Variants in ARHGEF3 observed in about 807,000 individuals in gnomAD.
ARHGEF3 encodes Rho guanine nucleotide exchange factor 3.
A neutral mutation model predicts 63.2 loss-of-function variants in ARHGEF3; 28 were observed. That is an observed-to-expected ratio of 0.44 (90% confidence interval 0.33 to 0.61). ARHGEF3 has a LOEUF of 0.61. Ranked by LOEUF, ARHGEF3 falls within the 20% of genes least tolerant of loss-of-function variation. The pLI, the probability that ARHGEF3 is intolerant of heterozygous loss-of-function variation, is 0.03. For missense variants in ARHGEF3, 533 were observed against 659.3 expected (o/e 0.81, Z 2.10); for synonymous variants, 266 against 254.2 (o/e 1.05, Z -0.44).
intron 1 of ARHGEF3, among the ~76,000 whole-genome samples, chr3:56,793,042 T>G (rs1172788027): frequency 2.6e-5 from 4 of 152,078 alleles, no homozygotes; most frequent in Non-Finnish European, 5.9e-5. Context: ...TGCACTCTGT[T>G]GCCCAGGCGG....
At chr3:56,906,866 A>G (rs2041700631) in intron 3 of ARHGEF3, among the ~76,000 whole-genome samples, 1 of 151,722 alleles carries the variant, frequency 6.6e-6, no homozygotes, top group African/African-American at 2.4e-5. Flanking sequence ...AGAAAGAAAG[A>G]AATATACTGA....
At chr3:56,938,136 C>T (rs111769776) in intron 3 of ARHGEF3, among the ~76,000 whole-genome samples, 2,731 of 152,180 alleles carry the variant, frequency 0.018, 92 homozygotes, top group African/African-American at 0.063. Context: ...ATTTCCAGCA[C>T]CACGTGGGAG....
chr3:56,765,039 G>C (rs1318008497), intron 2 of ARHGEF3, among the ~76,000 whole-genome samples: 5 of 152,072 alleles, frequency 3.3e-5, no homozygotes, highest in Non-Finnish European at 7.4e-5. Context: ...TTACAGGCAT[G>C]AGCCACCGCA....
chr3:56,953,305 G>T (rs1360290913), intron 3 of ARHGEF3, among the ~76,000 whole-genome samples: 1 of 152,188 alleles, frequency 6.6e-6, no homozygotes, highest in Non-Finnish European at 1.5e-5. Context: ...AGAAACATTT[G>T]GCTACAATGA....
At chr3:57,004,876 C>T (rs1702409289) in intron 2 of ARHGEF3, among the ~76,000 whole-genome samples, 1 of 152,172 alleles carries the variant, frequency 6.6e-6, no homozygotes, top group Non-Finnish European at 1.5e-5. Flanking sequence ...AGGTGGATCA[C>T]TTGAGCCCAG....
intron 1 of ARHGEF3, among the ~76,000 whole-genome samples, chr3:57,047,312 A>T (rs920064836): frequency 1.3e-5 from 2 of 152,228 alleles, no homozygotes; most frequent in Non-Finnish European, 2.9e-5. Context: ...TTGCCACTGC[A>T]CTTCAGCCTG....
chr3:56,749,354 A>G (rs951118090), intron 6 of ARHGEF3, among the ~76,000 whole-genome samples: 3 of 152,254 alleles, frequency 2.0e-5, no homozygotes, highest in Non-Finnish European at 2.9e-5. Context: ...TTCAGCAAAA[A>G]GTTACTAACA....
chr3:56,729,083 T>G lies in ARHGEF3; in HGVS notation c.*187A>C. The G allele has an allele frequency of 1.7e-6, 1 of 581,274 alleles. No individual in the cohort carries two copies. The highest frequency in any genetic ancestry group is 3.0e-6 in the Non-Finnish European group (1 of 333,378). 36.0% of individuals were successfully genotyped at this position (581,274 alleles called of 1,614,324 possible). On this transcript the variant is annotated 3_prime_UTR_variant, in exon 10 of 10. Coordinates refer to ENST00000296315, the MANE Select transcript of ARHGEF3 (RefSeq NM_019555.3). ...AACACAGGGTAATAGTTGCCACAGA[T>G]TCCAGCTTACACAGACAGATTGGCA...
At chr3:56,747,837 C>T (rs2034486515) in intron 6 of ARHGEF3, among the ~76,000 whole-genome samples, 1 of 152,080 alleles carries the variant, frequency 6.6e-6, no homozygotes, top group African/African-American at 2.4e-5. Context: ...AAAGGACAGA[C>T]TCAGTAATAG....
At chr3:56,782,269 C>G (rs964787746) in intron 1 of ARHGEF3, among the ~76,000 whole-genome samples, 2 of 152,120 alleles carry the variant, frequency 1.3e-5, no homozygotes, top group African/African-American at 4.8e-5. Flanking sequence ...CAACGGAAAC[C>G]TGACTTCATT....
Position 56,729,613 on chromosome 3 carries a change from A to T in ARHGEF3, c.1238T>A (p.Phe413Tyr). The change falls in exon 10 of 10, where the codon TTC (phenylalanine) becomes TAC (tyrosine). Residue 413 changes from phenylalanine (F) to tyrosine (Y), a missense_variant. Phe to Tyr is a conservative substitution (Grantham distance 22). This residue lies in a region of ARHGEF3 where 151 missense variants were observed against 190.7 expected (regional missense o/e 0.79). Transcript: ENST00000296315. ...TCCATTTTTGAAACTGACTCTGAAG[A>T]AGTTTTTAACTAGAAAGGAAAAACA... ...AFSNNERIKNFFRVSFKNGSQ... is the reference protein window; with the variant it reads ...AFSNNERIKNYFRVSFKNGSQ... The T allele has an allele frequency of 6.3e-7, 1 of 1,599,262 alleles. No homozygotes were observed. Among genetic ancestry groups the T allele is most frequent in the South Asian group, 1.1e-5 (1 of 89,268 alleles).
In ARHGEF3 at chr3:56,745,306, C is replaced by G; in HGVS notation, c.769G>C (p.Asp257His). The change falls in exon 7 of 10, where the codon GAT becomes CAT. Residue 257 changes from aspartate (D) to histidine (H), a missense_variant. Physicochemically the swap from Asp to His is moderately conservative, Grantham distance 81. Transcript: ENST00000296315. The stretch of plus-strand genomic sequence containing the variant: ...TTTACCAGGCGGCTTCTTGGAATAT[C>G]GAGGAAATTCCAGAGATCTAGTTTG... ...SRKLDLWNFL[D>H]IPRSRLVKYP... 1 of 1,613,854 alleles carries G rather than the reference C, an allele frequency of 6.2e-7. No individual in the cohort carries two copies. Among genetic ancestry groups the G allele is most frequent in the Non-Finnish European group, 8.5e-7 (1 of 1,179,990 alleles).
At chr3:57,073,557 G>A in intron 1 of ARHGEF3, 1 of 1,379,966 alleles carries the variant, frequency 7.2e-7, no homozygotes, top group South Asian at 1.5e-5. Flanking sequence ...ATGATTGGTG[G>A]TGGGGTGTGG....
chr3:56,905,608 G>A (rs997234404), intron 3 of ARHGEF3, among the ~76,000 whole-genome samples: 1 of 152,224 alleles, frequency 6.6e-6, no homozygotes, highest in Non-Finnish European at 1.5e-5. Flanking sequence ...TTGGGGTCAA[G>A]GGAATGTGTA....
chr3:56,848,377 G>C (rs1015361425), intron 4 of ARHGEF3, among the ~76,000 whole-genome samples: 1 of 152,142 alleles, frequency 6.6e-6, no homozygotes, highest in Non-Finnish European at 1.5e-5. Context: ...TAGCTCTGTA[G>C]CTTTGGGCAA....
intron 4 of ARHGEF3, among the ~76,000 whole-genome samples, chr3:56,845,314 GTTGTT>G (rs1467947413): frequency 6.6e-6 from 1 of 152,208 alleles, no homozygotes; most frequent in Non-Finnish European, 1.5e-5. Context: ...ATAAATGTGT[GTTGTT>G]TTAAGACTAA....
intron 3 of ARHGEF3, among the ~76,000 whole-genome samples, chr3:56,888,257 G>A (rs2040990100): frequency 6.6e-6 from 1 of 152,192 alleles, no homozygotes; most frequent in Admixed American, 6.5e-5. Context: ...GTTCAAGGGT[G>A]AGGCACATCC....
At chr3:56,801,979 G>C (rs2037681999), upstream of ARHGEF3, 2 of 1,375,488 alleles carry the variant, frequency 1.5e-6, no homozygotes, top group Admixed American at 2.2e-5. Context: ...GCGGGACCGT[G>C]CCAGCCACGC....
At chr3:57,022,357 A>G (rs2107168317) in intron 2 of ARHGEF3, among the ~76,000 whole-genome samples, 1 of 151,540 alleles carries the variant, frequency 6.6e-6, no homozygotes, top group African/African-American at 2.4e-5. Flanking sequence ...TCGCAATAGC[A>G]GGGCTGATCA....
Sources: allele counts gnomAD v4.1 joint callset (sites outside exome capture counted in the v4.1 genomes callset), GRCh38; gene constraint gnomAD v4.1.1; regional missense constraint gnomAD v4.1.1; transcripts MANE v1.5; gene names NCBI Gene and HGNC (gene_info 2026-07-23, HGNC 2026-07-21).